The following GRIK2 variants were observed in gnomAD, a reference collection of about 807,000 sequenced individuals.
The protein encoded by GRIK2 is glutamate ionotropic receptor kainate type subunit 2.
GRIK2 carries 32 observed loss-of-function variants against 100.3 expected under a neutral mutation model. The ratio of observed to expected loss-of-function variants is 0.32; its 90% CI spans 0.24 to 0.43. The LOEUF is 0.43. Among genes scored for constraint, GRIK2 ranks in the 20% least tolerant of loss-of-function variants. The pLI is 1.00. For synonymous variants in GRIK2, 417 were observed against 389.4 expected (o/e 1.07, Z -0.83); for missense variants, 843 against 1,114.9 (o/e 0.76, Z 3.47).
chr6:101,874,066 A>C (rs1205155582), intron 11 of GRIK2, among the ~76,000 whole-genome samples: 1 of 152,132 alleles, frequency 6.6e-6, no homozygotes, highest in Non-Finnish European at 1.5e-5. Flanking sequence ...CTCTGATAGT[A>C]GTTTCTTTTG....
chr6:101,719,883 G>A (rs1345702845), intron 7 of GRIK2, among the ~76,000 whole-genome samples: 2 of 151,834 alleles, frequency 1.3e-5, no homozygotes, highest in Non-Finnish European at 1.5e-5. Context: ...TCACAAAGAA[G>A]CACAAGGTAT....
chr6:101,533,893 A>G (rs1183991973), intron 2 of GRIK2, among the ~76,000 whole-genome samples: 1 of 151,948 alleles, frequency 6.6e-6, no homozygotes, highest in South Asian at 2.1e-4. Flanking sequence ...ATAGCTTTAT[A>G]ACATTTCATA....
intron 4 of GRIK2, among the ~76,000 whole-genome samples, chr6:101,634,945 T>C (rs1470395072): frequency 6.6e-6 from 1 of 152,034 alleles, no homozygotes; most frequent in East Asian, 1.9e-4. Flanking sequence ...GGAAAGTCAA[T>C]TAATAGTGAA....
intron 2 of GRIK2, among the ~76,000 whole-genome samples, chr6:101,572,353 C>T (rs747865194): frequency 2.0e-5 from 3 of 152,030 alleles, no homozygotes; most frequent in African/African-American, 4.8e-5. Context: ...CGCTCTTTCT[C>T]CCATCATAAT....
At position 101,837,832 on chromosome 6, in the gene GRIK2, G is replaced by T. The variant is rs940681913; in HGVS notation, c.1317+19349G>T. Among the ~76,000 whole-genome samples, 3 of 152,128 alleles carry T rather than the reference G, an allele frequency of 2.0e-5. 1 individual carries two copies. Among genetic ancestry groups the T allele is most frequent in the Admixed American group, 2.0e-4 (3 of 15,262 alleles). ...AGAAGAATGAAATATTTCTTGTACT[G>T]TCTCTGGTTAATCAAGGATTATTGG... is the stretch of plus-strand genomic sequence containing the variant. On this transcript the variant is annotated intron_variant, in intron 10 of 16. Transcript: ENST00000369134.
intron 2 of GRIK2, among the ~76,000 whole-genome samples, chr6:101,402,367 T>TCTCTA (rs1775360136): frequency 6.6e-6 from 1 of 152,156 alleles, no homozygotes; most frequent in African/African-American, 2.4e-5. Flanking sequence ...AAGAAAACTT[T>TCTCTA]GCAGTTACAC....
intron 2 of GRIK2, among the ~76,000 whole-genome samples, chr6:101,465,809 G>T (rs1430741930): frequency 1.3e-5 from 2 of 152,210 alleles, no homozygotes; most frequent in East Asian, 3.8e-4. Flanking sequence ...CATATAATGA[G>T]ATTCCAGTCA....
intron 2 of GRIK2, among the ~76,000 whole-genome samples, chr6:101,441,691 G>A (rs1056697399): frequency 1.3e-5 from 2 of 152,022 alleles, no homozygotes; most frequent in Non-Finnish European, 2.9e-5. Flanking sequence ...TGTTACATGA[G>A]TAAACATGTA....
At chr6:101,974,575 C>T (rs982190990) in intron 14 of GRIK2, among the ~76,000 whole-genome samples, 3 of 152,010 alleles carry the variant, frequency 2.0e-5, no homozygotes, top group Admixed American at 6.6e-5. Context: ...CTGGCAACTC[C>T]GGCAGGGGAA....
intron 2 of GRIK2, among the ~76,000 whole-genome samples, chr6:101,568,919 C>CT (rs1407692954): frequency 3.8e-3 from 1 of 264 alleles, no homozygotes; most frequent in African/African-American, 0.016. Flanking sequence ...AACTATGTTC[C>CT]TTTTCACATG....
At chr6:101,568,900 C>G (rs559962760) in intron 2 of GRIK2, among the ~76,000 whole-genome samples, 1 of 143,164 alleles carries the variant, frequency 7.0e-6, no homozygotes, top group Non-Finnish European at 1.5e-5. Context: ...GCAATGGAAG[C>G]TGTCATATAA....
chr6:101,739,378 G>A (rs1009390972), intron 7 of GRIK2, among the ~76,000 whole-genome samples: 8 of 152,008 alleles, frequency 5.3e-5, no homozygotes, highest in Admixed American at 1.3e-4. Flanking sequence ...TGCCATTTTT[G>A]TGGGTTTCAG....
chr6:101,394,072 G>C (rs1014809255), intron 1 of GRIK2, among the ~76,000 whole-genome samples: 4 of 152,218 alleles, frequency 2.6e-5, no homozygotes, highest in African/African-American at 9.6e-5. Flanking sequence ...AAGTGGCTCT[G>C]TTGGCTGCAG....
chr6:101,649,116 A>G (rs1366324411), intron 4 of GRIK2, among the ~76,000 whole-genome samples: 1 of 152,084 alleles, frequency 6.6e-6, no homozygotes, highest in Non-Finnish European at 1.5e-5. Flanking sequence ...ATATCACTAA[A>G]TGTTCTGAGT....
intron 2 of GRIK2, among the ~76,000 whole-genome samples, chr6:101,523,565 GA>G (rs1774993835): frequency 1.3e-5 from 2 of 152,050 alleles, no homozygotes; most frequent in Non-Finnish European, 2.9e-5. Flanking sequence ...TGGGCACATT[GA>G]AAAGGGCAGA....
chr6:101,776,585 C>T (rs1389583291), intron 7 of GRIK2, among the ~76,000 whole-genome samples: 1 of 152,154 alleles, frequency 6.6e-6, no homozygotes, highest in East Asian at 1.9e-4. Context: ...AATAGTCATA[C>T]TTGTCCAAGT....
intron 11 of GRIK2, among the ~76,000 whole-genome samples, chr6:101,861,353 T>C (rs1784724139): frequency 6.6e-6 from 1 of 152,166 alleles, no homozygotes; most frequent in African/African-American, 2.4e-5. Context: ...GAGAAATCTG[T>C]AGGGACTATA....
chr6:101,890,178 C>A, intron 12 of GRIK2: 1 of 193,464 alleles, frequency 5.2e-6, no homozygotes, highest in Non-Finnish European at 1.0e-5. Context: ...TCTGAAGAAC[C>A]AAAACTAAAA....
Position 101,799,739 on chromosome 6 carries a change from A to G in GRIK2, c.1043A>G (p.Asn348Ser). The change falls in exon 8 of 17, where the codon AAT becomes AGT. Residue 348 changes from asparagine (N) to serine (S), a missense_variant. Physicochemically the swap from Asn to Ser is conservative, Grantham distance 46. This residue lies in a region of GRIK2 where 519 missense variants were observed against 643.8 expected (regional missense o/e 0.81). Coordinates refer to ENST00000369134, the MANE Select transcript of GRIK2 (RefSeq NM_021956.5). ...ATGACAGTCAGTTCCTTGCAGTGTA[A>G]TCGACATAAACCCTGGCGCTTCGGG... ...PQMTVSSLQC[N>S]RHKPWRFGTR... is the part of the protein sequence containing the mutation. 6.2e-7 allele frequency: 1 copy of G among 1,613,678 alleles called. No individual in the cohort carries two copies. The highest frequency in any genetic ancestry group is 8.5e-7 in the Non-Finnish European group (1 of 1,179,686).
Sources: gnomAD v4.1 joint callset for allele counts (sites outside exome capture counted in the v4.1 genomes callset) on GRCh38, gnomAD v4.1.1 for gene constraint, gnomAD v4.1.1 regional missense constraint, MANE v1.5 for transcripts, NCBI Gene and HGNC (gene_info 2026-07-23, HGNC 2026-07-21) for gene names.